CC2D1A: variants seen among roughly 807,000 people sequenced by gnomAD.
CC2D1A encodes the protein coiled-coil and C2 domain-containing protein 1A.
In CC2D1A, 68 loss-of-function variants were observed where a neutral mutation model predicts 123.8. That is an observed-to-expected ratio of 0.55 (90% CI 0.45 to 0.67). The LOEUF (loss-of-function observed/expected upper bound fraction) is 0.67, where lower values mean the gene tolerates loss of function less well. CC2D1A is among the 30% of genes least tolerant of loss of function. The pLI, the probability that CC2D1A is intolerant of heterozygous loss-of-function variation, is 0.00. For synonymous variants in CC2D1A, 477 were observed against 528.0 expected, an observed-to-expected ratio of 0.90 and a Z score of 1.32; for missense variants, 1,185 against 1,290.3, an observed-to-expected ratio of 0.92 and a Z score of 1.25.
Position 13,930,044 on chromosome 19 carries a change from C to G in CC2D1A, c.2711-34C>G. On this transcript the variant is annotated intron_variant, in intron 26 of 28. Transcript: ENST00000318003. The surrounding 1 kb of genome is among the most constrained non-coding windows in gnomAD (Gnocchi z 6.8). ...AGGGTTGTGGGCAGTGAGGCCCCAC[C>G]CTAAGCCTCCATTCCCCCGCCATCC... is the stretch of plus-strand genomic sequence containing the variant. 1 of 1,603,362 alleles carries G rather than the reference C, an allele frequency of 6.2e-7. No homozygotes were observed. Among genetic ancestry groups the G allele is most frequent in the Non-Finnish European group, 8.5e-7 (1 of 1,175,060 alleles).
intron 6 of CC2D1A, among the ~76,000 whole-genome samples, chr19:13,915,998 G>A (rs1438846479): frequency 6.6e-6 from 1 of 152,168 alleles, no homozygotes; most frequent in Non-Finnish European, 1.5e-5. Context: ...GTTCACACCT[G>A]TAATCCCAGC....
At chr19:13,918,432 G>T (rs760717448) in intron 7 of CC2D1A, 72 bp from the exon 8 acceptor site, 115 of 1,443,268 alleles carry the variant, frequency 8.0e-5, no homozygotes, top group Non-Finnish European at 1.0e-4. Flanking sequence ...GCATGGAAGG[G>T]CCCGGAGGCT....
In CC2D1A at chr19:13,930,391, G is replaced by A. The variant is rs1205821078; in HGVS notation, c.2852G>A (p.Arg951Lys). The A allele has an allele frequency of 1.9e-6, 3 of 1,610,906 alleles. No homozygotes were observed. Among genetic ancestry groups the A allele is most frequent in the African/African-American group, 1.3e-5 (1 of 74,828 alleles). The change falls in exon 29 of 29, where the codon AGG becomes AAG. Residue 951 changes from arginine (R) to lysine (K), a missense_variant. Coordinates refer to ENST00000318003, the MANE Select transcript of CC2D1A (RefSeq NM_017721.5). The surrounding 1 kb of genome is among the most constrained non-coding windows in gnomAD (Gnocchi z 6.8). ...CTCCCCCAGCTGCAGCGGCTCCGCA[G>A]GTGAGGAGCCCATGGGGCGGGCAGC... The part of the protein sequence containing the change: ...LVESELQRLR[R>K]
Position 13,906,560 on chromosome 19 carries a change from AG to A in CC2D1A, c.60+62del, listed in dbSNP as rs1970744125. On this transcript the variant is annotated intron_variant, in intron 1 of 28. Coordinates refer to ENST00000318003, the MANE Select transcript of CC2D1A (RefSeq NM_017721.5). The surrounding 1 kb of genome is among the most constrained non-coding windows in gnomAD (Gnocchi z 4.1). ...CCCTCCCCACCCCCGTCACTCGCTCAGGGAAGGGCCCCACCCCCCAGGGAAG... is the reference window on the plus strand; with the variant it reads ...CCCTCCCCACCCCCGTCACTCGCTCAGGAAGGGCCCCACCCCCCAGGGAAG... 2 of 1,183,212 alleles carry A rather than the reference AG, an allele frequency of 1.7e-6. No homozygotes were observed. The highest frequency in any genetic ancestry group is 6.4e-5 in the Admixed American group (2 of 31,412). The allele number at this position is 1,183,212 out of a possible 1,614,324, so 73.3% of individuals were successfully genotyped here.
In CC2D1A at chr19:13,923,892, C is replaced by T; in HGVS notation, c.1940+81C>T. 1.9e-6 allele frequency: 2 copies of T among 1,037,814 alleles called. No individual in the cohort carries two copies. The highest frequency in any genetic ancestry group is 3.0e-6 in the Non-Finnish European group (2 of 673,148). The allele number at this position is 1,037,814 out of a possible 1,614,324, so 64.3% of individuals were successfully genotyped here. ...TGGGGCGGGTTGTGCTCCCCAGAAGCTGGCACAAGATTTACATCTGGAAGA... is the reference window on the plus strand; with the variant it reads ...TGGGGCGGGTTGTGCTCCCCAGAAGTTGGCACAAGATTTACATCTGGAAGA... On this transcript the variant is annotated intron_variant, in intron 17 of 28. Transcript: ENST00000318003. The surrounding 1 kb of genome is among the most constrained non-coding windows in gnomAD (Gnocchi z 5.3).
intron 1 of CC2D1A, chr19:13,909,562 C>G (rs1599377256): frequency 2.0e-6 from 1 of 507,890 alleles, no homozygotes; most frequent in East Asian, 4.2e-5. Flanking sequence ...TGAACTTGGC[C>G]CAGCAGCACA....
At chr19:13,919,251 G>C in intron 11 of CC2D1A, 49 bp downstream of exon 11, 1 of 1,442,840 alleles carries the variant, frequency 6.9e-7, no homozygotes. Flanking sequence ...CGCCCCCGTA[G>C]GCCCCGCCCC....
chr19:13,927,326 A>G, intron 22 of CC2D1A, 61 bp downstream of exon 22: 1 of 1,400,112 alleles, frequency 7.1e-7, no homozygotes, highest in Non-Finnish European at 1.0e-6. Flanking sequence ...TAACATTATT[A>G]AAACACTTCC....
chr19:13,927,902 G>A lies in CC2D1A; in HGVS notation c.2326G>A (p.Gly776Ser), dbSNP rs1280117906. 3 of 1,613,416 alleles carry A rather than the reference G, an allele frequency of 1.9e-6. No homozygotes were observed. Among genetic ancestry groups the A allele is most frequent in the Middle Eastern group, 1.6e-4 (1 of 6,062 alleles). ...CCTTACCCCCACCCAGGTCCTGGAT[G>A]GTCGCCGGCCCACAGGGGGGCGACT... Reference protein sequence around the residue: ...EVREILEVLDGRRPTGGRLEV... With the variant: ...EVREILEVLDSRRPTGGRLEV... The change falls in exon 23 of 29, where the codon GGT becomes AGT. Residue 776 changes from glycine to serine, a missense_variant. Physicochemically the swap from Gly to Ser is moderately conservative, Grantham distance 56. Coordinates refer to ENST00000318003, the MANE Select transcript of CC2D1A (RefSeq NM_017721.5).
intron 6 of CC2D1A, among the ~76,000 whole-genome samples, chr19:13,917,263 A>T (rs549509648): frequency 6.6e-6 from 1 of 152,168 alleles, no homozygotes; most frequent in African/African-American, 2.4e-5. Flanking sequence ...TGAGCCCAGG[A>T]GTTTGAGACT....
chr19:13,915,072 A>G (rs1971157508), intron 6 of CC2D1A, among the ~76,000 whole-genome samples: 2 of 152,216 alleles, frequency 1.3e-5, no homozygotes, highest in African/African-American at 2.4e-5. Context: ...ATTGTTTTTG[A>G]CAAAGTTCAA....
At chr19:13,912,249 A>T in intron 2 of CC2D1A, 74 bp from the exon 3 acceptor site, 13 of 1,459,670 alleles carry the variant, frequency 8.9e-6, no homozygotes, top group Non-Finnish European at 9.2e-6. Flanking sequence ...GGGATCACCT[A>T]GCGTGTCCAG....
chr19:13,919,030 G>T lies in CC2D1A; in HGVS notation c.1137G>T (p.Glu379Asp). The T allele has an allele frequency of 6.2e-7, 1 of 1,607,674 alleles. No homozygotes were observed. The highest frequency in any genetic ancestry group is 8.5e-7 in the Non-Finnish European group (1 of 1,176,884). ...KGDQRKARMH[E>D]RIVKQYQDAI... ...ACCAGCGGAAAGCTCGAATGCACGA[G>T]CGCATCGTCAAGGTGCCCTGGGGGT... Residue 379 changes from glutamate (E) to aspartate (D), a missense_variant, in exon 10 of 29, where the codon GAG becomes GAT. Coordinates refer to ENST00000318003, the MANE Select transcript of CC2D1A (RefSeq NM_017721.5).
intron 6 of CC2D1A, among the ~76,000 whole-genome samples, chr19:13,916,288 G>A (rs1971203940): frequency 1.3e-5 from 2 of 152,052 alleles, no homozygotes; most frequent in African/African-American, 4.8e-5. Context: ...AGCTCAGCTG[G>A]GTGTGGTGGC....
rs1970938126 is a variant in CC2D1A at position 13,909,940 on chromosome 19, G to GAC, written c.179_180insCA (p.Glu60AspfsTer23). On this transcript the variant is annotated frameshift_variant, in exon 2 of 29. Transcript: ENST00000318003. LOFTEE classifies it high-confidence loss of function. Reference sequence around the variant, plus strand: ...GGTCGGGGGCCAGCCCCCAGCCCTGGAGAAGCTCAAAGGCAAAGGTGAGAT... The same window carrying GAC: ...GGTCGGGGGCCAGCCCCCAGCCCTGGACAGAAGCTCAAAGGCAAAGGTGAGAT... 1 of 1,520,424 alleles carries GAC rather than the reference G, an allele frequency of 6.6e-7. No individual in the cohort carries two copies. The highest frequency in any genetic ancestry group is 8.8e-7 in the Non-Finnish European group (1 of 1,134,438). 94.2% of individuals were successfully genotyped at this position (1,520,424 alleles called of 1,614,324 possible).
chr19:13,911,637 C>G (rs989917220), intron 2 of CC2D1A, among the ~76,000 whole-genome samples: 27 of 151,174 alleles, frequency 1.8e-4, no homozygotes, highest in African/African-American at 6.6e-4. Flanking sequence ...CCTCTGCCTC[C>G]TGGGCTTAAG....
At chr19:13,928,596 G>A (rs909457437) in intron 24 of CC2D1A, among the ~76,000 whole-genome samples, 4 of 151,666 alleles carry the variant, frequency 2.6e-5, no homozygotes, top group Non-Finnish European at 4.4e-5. Flanking sequence ...TGACCACTAG[G>A]CATCATAGTT....
chr19:13,918,977 G>A lies in CC2D1A; in HGVS notation c.1084G>A (p.Ala362Thr). 6.2e-7 allele frequency: 1 copy of A among 1,609,782 alleles called. No homozygotes were observed. Among genetic ancestry groups the A allele is most frequent in the South Asian group, 1.1e-5 (1 of 90,596 alleles). ...GCAGCGGATGGAGCGGTACCAGGTG[G>A]CCGCAGCCCAGGCCAAGAGCAAGGG... ...LEQRMERYQV[A>T]AAQAKSKGDQ... The change falls in exon 10 of 29, where the codon GCC (alanine) becomes ACC (threonine). Residue 362 changes from alanine (A) to threonine (T), a missense_variant. Ala to Thr is a moderately conservative substitution (Grantham distance 58). Transcript: ENST00000318003.
chr19:13,912,610 T>C lies in CC2D1A; in HGVS notation c.378+17T>C, dbSNP rs1028548291. 1.9e-6 allele frequency: 3 copies of C among 1,612,990 alleles called. No homozygotes were observed. The highest frequency in any genetic ancestry group is 2.5e-6 in the Non-Finnish European group (3 of 1,179,620). The stretch of plus-strand genomic sequence containing the variant: ...GTGGCCCAGGTACAGTTTGGATGAC[T>C]CCACTCCCTTGAACCACAACCCAAC... On this transcript the variant is annotated intron_variant, in intron 4 of 28. Coordinates refer to ENST00000318003, the MANE Select transcript of CC2D1A (RefSeq NM_017721.5).
Sources: allele counts gnomAD v4.1 joint callset (sites outside exome capture counted in the v4.1 genomes callset), GRCh38; gene constraint gnomAD v4.1.1; non-coding constraint Gnocchi (gnomAD v3.1); transcripts MANE v1.5; gene names NCBI Gene and HGNC (gene_info 2026-07-23, HGNC 2026-07-21).